The following GNG7 variants were observed in gnomAD, a reference collection of about 807,000 sequenced individuals.
GNG7 encodes G protein subunit gamma 7.
A neutral mutation model predicts 4.0 loss-of-function variants in GNG7; 1 was observed. The observed-to-expected ratio is 0.25, with a 90% confidence interval of 0.09 to 1.18. The LOEUF is 1.18. Ranked by LOEUF, GNG7 falls within the 50% of genes most tolerant of loss-of-function variation. The probability of loss-of-function intolerance (pLI) is 0.50; values close to 1 mark genes in which losing one functional copy is unlikely to be tolerated. For missense variants in GNG7, 86 were observed against 91.9 expected (o/e 0.94, Z 0.26); for synonymous variants, 34 against 36.9 (o/e 0.92, Z 0.29).
chr19:2,580,115 G>T lies in GNG7; in HGVS notation c.-77-24927C>A, dbSNP rs371380464. On this transcript the variant is annotated intron_variant, in intron 2 of 4. Coordinates refer to ENST00000382159, the MANE Select transcript of GNG7 (RefSeq NM_052847.3). ...GCAACTCCCAGGGCAGGGGAATGCA[G>T]GTGTGCCCAGGGGTCAGGGCCCATA... 8.5e-5 allele frequency among the ~76,000 whole-genome samples: 13 copies of T among 152,064 alleles called. 1 individual carries two copies. The South Asian group carries it at 2.7e-3, about 32-fold the overall frequency.
chr19:2,561,144 TCAGCAGGGC>T (rs1296780186), intron 2 of GNG7, among the ~76,000 whole-genome samples: 1 of 151,788 alleles, frequency 6.6e-6, no homozygotes, highest in Non-Finnish European at 1.5e-5. Context: ...TCCTGGGACC[TCAGCAGGGC>T]AGAGGATCAT....
intron 3 of GNG7, among the ~76,000 whole-genome samples, chr19:2,539,323 T>TTTG (rs1555691938): frequency 3.4e-5 from 5 of 147,700 alleles, no homozygotes; most frequent in Admixed American, 1.3e-4. Context: ...TTTTTTTTTT[T>TTTG]GGATGGTGTT....
At chr19:2,529,907 CA>C (rs1978529377) in intron 3 of GNG7, among the ~76,000 whole-genome samples, 1 of 152,204 alleles carries the variant, frequency 6.6e-6, no homozygotes, top group Non-Finnish European at 1.5e-5. Context: ...TTGGCTTCCT[CA>C]GCTGGAAGAT....
At chr19:2,544,836 G>C (rs1471438096) in intron 3 of GNG7, among the ~76,000 whole-genome samples, 2 of 152,038 alleles carry the variant, frequency 1.3e-5, no homozygotes, top group African/African-American at 4.8e-5. Context: ...GCAACCGTAA[G>C]TGCCCAGCAC....
chr19:2,673,073 G>A (rs187863356), intron 1 of GNG7, among the ~76,000 whole-genome samples: 28 of 150,868 alleles, frequency 1.9e-4, no homozygotes, highest in Non-Finnish European at 2.7e-4. Flanking sequence ...TGGCTAACAC[G>A]GTGAAACCCC....
At chr19:2,531,302 TCAAAAAAAAAA>T (rs1568233407) in intron 3 of GNG7, among the ~76,000 whole-genome samples, 1 of 16,750 alleles carries the variant, frequency 6.0e-5, no homozygotes. Flanking sequence ...AGATTCCGTC[TCAAAAAAAAAA>T]AAAAAAAAAA....
Position 2,644,380 on chromosome 19 carries a change from T to TAA in GNG7, c.-78+1842_-78+1843dup, listed in dbSNP as rs1198945931. Among the ~76,000 whole-genome samples, 5 of 123,534 alleles carry TAA rather than the reference T, an allele frequency of 4.0e-5. No homozygotes were observed. In the South Asian group the frequency reaches 7.4e-4, roughly 18 times the overall value. The allele number at this position is 123,534 out of a possible 152,430, so 81.0% of individuals were successfully genotyped here. A position where few individuals can be genotyped will look rare whatever the true frequency, so the allele number is the denominator to read the frequency against. On this transcript the variant is annotated intron_variant, in intron 2 of 4. Transcript: ENST00000382159. ...ATATATATATATATATATATATATA[T>TAA]AATGCTCTATCTATACATGCATCAT...
chr19:2,686,125 G>T (rs571870122), intron 1 of GNG7, among the ~76,000 whole-genome samples: 1 of 151,820 alleles, frequency 6.6e-6, no homozygotes, highest in Non-Finnish European at 1.5e-5. Context: ...CAGCTGTCAG[G>T]CAGTTTCCCA....
At chr19:2,613,624 C>T (rs1394172286) in intron 2 of GNG7, among the ~76,000 whole-genome samples, 1 of 151,696 alleles carries the variant, frequency 6.6e-6, no homozygotes, top group Non-Finnish European at 1.5e-5. Flanking sequence ...CTGTGGATTC[C>T]CCTAACCTGG....
intron 2 of GNG7, among the ~76,000 whole-genome samples, chr19:2,625,596 A>G (rs1462015419): frequency 6.6e-6 from 1 of 152,122 alleles, no homozygotes; most frequent in East Asian, 1.9e-4. Context: ...TAGAAGGGCC[A>G]TGGGTCACCC....
At chr19:2,582,932 G>A (rs1980545903) in intron 2 of GNG7, among the ~76,000 whole-genome samples, 1 of 152,086 alleles carries the variant, frequency 6.6e-6, no homozygotes, top group Admixed American at 6.6e-5. Context: ...GCCTCCCAAA[G>A]TGCTGGGATT....
chr19:2,529,497 C>T lies in GNG7; in HGVS notation c.-37-8772G>A, dbSNP rs373322165. Among the ~76,000 whole-genome samples the T allele has an allele frequency of 5.3e-3, 809 of 152,314 alleles. 13 individuals are homozygous for T. The highest frequency in any genetic ancestry group is 0.014 in the Middle Eastern group (4 of 294). On this transcript the variant is annotated intron_variant, in intron 3 of 4. Transcript: ENST00000382159. ...CCTCCCAAAGTGCTGGGATGACAGG[C>T]GTGAGCCACCACGCCCGGCCCATTT...
rs529883087 is a variant in GNG7 at position 2,681,639 on chromosome 19, C to G, written c.-135+21007G>C. Reference sequence around the variant, plus strand: ...CCTTAGGTGTACGTCTAGGAGTCAACTCACAGGGTCATATGGAAACACTGT... The same window carrying G: ...CCTTAGGTGTACGTCTAGGAGTCAAGTCACAGGGTCATATGGAAACACTGT... On this transcript the variant is annotated intron_variant, in intron 1 of 4. Coordinates refer to ENST00000382159, the MANE Select transcript of GNG7 (RefSeq NM_052847.3). 2.6e-5 allele frequency among the ~76,000 whole-genome samples: 4 copies of G among 152,280 alleles called. No homozygotes were observed. The East Asian group carries it at 7.7e-4, about 29-fold the overall frequency.
At position 2,575,267 on chromosome 19, in the gene GNG7, T is replaced by G. The variant is rs543692186; in HGVS notation, c.-77-20079A>C. On this transcript the variant is annotated intron_variant, in intron 2 of 4. Coordinates refer to ENST00000382159, the MANE Select transcript of GNG7 (RefSeq NM_052847.3). ...ATCCAGCTAATTTTTAAAATTTTTTTGTAGAGACAGGGACTTGCTGTTGCC... is the reference window on the plus strand; with the variant it reads ...ATCCAGCTAATTTTTAAAATTTTTTGGTAGAGACAGGGACTTGCTGTTGCC... Among the ~76,000 whole-genome samples the G allele has an allele frequency of 3.3e-5, 5 of 152,216 alleles. No homozygotes were observed. In the South Asian group the frequency reaches 1.0e-3, roughly 32 times the overall value.
rs544532523 is a variant in GNG7, at chr19:2,634,674, A to G, written c.-78+11550T>C. On this transcript the variant is annotated intron_variant, in intron 2 of 4. Transcript: ENST00000382159. The surrounding 1 kb of genome is among the most constrained non-coding windows in gnomAD (Gnocchi z 5.3). ...CAGAGCGTTTTCAGGCTCTGGCTGT[A>G]TATCTTGGCAATTCTTTCAGGGGAA... 1.3e-5 allele frequency among the ~76,000 whole-genome samples: 2 copies of G among 152,132 alleles called. No individual in the cohort carries two copies. Among genetic ancestry groups the G allele is most frequent in the Admixed American group, 6.5e-5 (1 of 15,278 alleles).
intron 1 of GNG7, among the ~76,000 whole-genome samples, chr19:2,659,198 T>G (rs893635256): frequency 6.6e-6 from 1 of 151,804 alleles, no homozygotes; most frequent in African/African-American, 2.4e-5. Flanking sequence ...CTCAATCTCC[T>G]GACCTCGTGA....
At chr19:2,591,622 G>A (rs983710414) in intron 2 of GNG7, among the ~76,000 whole-genome samples, 1 of 152,002 alleles carries the variant, frequency 6.6e-6, no homozygotes, top group Non-Finnish European at 1.5e-5. Context: ...TCTACAATGG[G>A]TGTGTTAGGA....
intron 3 of GNG7, among the ~76,000 whole-genome samples, chr19:2,532,842 G>A (rs1239423548): frequency 6.6e-6 from 1 of 152,146 alleles, no homozygotes; most frequent in Non-Finnish European, 1.5e-5. Flanking sequence ...ATCCATTACT[G>A]ACAGGAATGT....
At chr19:2,656,146 G>A (rs1292461306) in intron 1 of GNG7, among the ~76,000 whole-genome samples, 4 of 151,614 alleles carry the variant, frequency 2.6e-5, no homozygotes, top group Non-Finnish European at 2.9e-5. Flanking sequence ...TCTGGAGAAC[G>A]GAATGGAAGT....
Sources: gnomAD v4.1 joint callset for allele counts (sites outside exome capture counted in the v4.1 genomes callset) on GRCh38, gnomAD v4.1.1 for gene constraint, Gnocchi (gnomAD v3.1) non-coding constraint, MANE v1.5 for transcripts, NCBI Gene and HGNC (gene_info 2026-07-23, HGNC 2026-07-21) for gene names.